SLC6A16: variants seen among roughly 807,000 people sequenced by gnomAD.
SLC6A16 encodes orphan sodium- and chloride-dependent neurotransmitter transporter NTT5.
In SLC6A16, 54 loss-of-function variants were observed where a neutral mutation model predicts 65.4. That is an observed-to-expected ratio of 0.83 (90% CI 0.66 to 1.04). The LOEUF is 1.04. Ranked by LOEUF, SLC6A16 falls within the 50% of genes least tolerant of loss-of-function variation. SLC6A16 has a pLI of 0.00. For missense variants in SLC6A16, 816 were observed against 914.0 expected (o/e 0.89, Z 1.38); for synonymous variants, 330 against 346.5 (o/e 0.95, Z 0.53).
upstream of SLC6A16, among the ~76,000 whole-genome samples, chr19:49,329,453 G>T (rs192423559): frequency 0.013 from 1,952 of 152,028 alleles, 24 homozygotes; most frequent in Non-Finnish European, 0.015. Context: ...AAAACTAATG[G>T]TGATTAGGTT....
rs1445655210 is a variant in SLC6A16, at chr19:49,294,602, A to G, written c.1230-49T>C. ...ATCGAACCATTTGGCCCAGTAGGAG[A>G]TAGTCTCCTTTTCCCTTATCTTCAA... On this transcript the variant is annotated intron_variant, in intron 7 of 11. Coordinates refer to ENST00000335875, the MANE Select transcript of SLC6A16 (RefSeq NM_014037.3). 2.7e-6 allele frequency: 4 copies of G among 1,469,630 alleles called. No homozygotes were observed. The South Asian group carries it at 4.0e-5, about 15-fold the overall frequency. The allele number at this position is 1,469,630 out of a possible 1,614,324, so 91.0% of individuals were successfully genotyped here.
intron 11 of SLC6A16, 79 bp from the exon 12 acceptor site, chr19:49,290,471 T>C (rs1970055073): frequency 6.4e-7 from 1 of 1,570,574 alleles, no homozygotes; most frequent in Admixed American, 1.8e-5. Context: ...GAAGGATGGG[T>C]GGGGAACCAA....
At chr19:49,340,324 G>A in the SLC6A16 span, 10 of 1,610,810 alleles carry the variant, frequency 6.2e-6, no homozygotes, top group Middle Eastern at 3.3e-4. Context: ...GCTCGATACC[G>A]TTAGGCCCCG....
the SLC6A16 span, among the ~76,000 whole-genome samples, chr19:49,334,209 C>T: frequency 5.1e-4 from 77 of 152,222 alleles, no homozygotes; most frequent in Non-Finnish European, 9.7e-4. Flanking sequence ...ACAGGCTGGG[C>T]ACAGTGGCTC....
At chr19:49,322,268 A>G (rs964606535) in intron 1 of SLC6A16, among the ~76,000 whole-genome samples, 1 of 152,242 alleles carries the variant, frequency 6.6e-6, no homozygotes, top group African/African-American at 2.4e-5. Flanking sequence ...GCATTTTTAT[A>G]CACTAACAAT....
At position 49,311,329 on chromosome 19, in the gene SLC6A16, G is replaced by C. The variant is rs967454228; in HGVS notation, c.19C>G (p.Pro7Ala). 5 of 1,588,928 alleles carry C rather than the reference G, an allele frequency of 3.1e-6. No homozygotes were observed. The highest frequency in any genetic ancestry group is 1.2e-5 in the South Asian group (1 of 86,180). The part of the protein sequence containing the change: MKTEAQ[P>A]STSLLANTSW... Reference sequence around the variant, plus strand: ...GTGTTTGCCAGCAAGGATGTCGAAGGCTGGGCCTCTGTCTTCATCTCACAC... The same window carrying C: ...GTGTTTGCCAGCAAGGATGTCGAAGCCTGGGCCTCTGTCTTCATCTCACAC... Residue 7 changes from proline (P) to alanine (A), a missense_variant, in exon 2 of 12, where the codon CCT becomes GCT. By Grantham distance (27) the Pro-to-Ala change is conservative. Transcript: ENST00000335875.
At chr19:49,314,106 A>AACCAT (rs56287628) in intron 1 of SLC6A16, among the ~76,000 whole-genome samples, 1 of 141,452 alleles carries the variant, frequency 7.1e-6, no homozygotes, top group Non-Finnish European at 1.5e-5. Context: ...AAAAAAAAAA[A>AACCAT]AATCATAATC....
intron 1 of SLC6A16, among the ~76,000 whole-genome samples, chr19:49,321,130 C>T (rs747217285): frequency 6.6e-6 from 1 of 152,018 alleles, no homozygotes; most frequent in Non-Finnish European, 1.5e-5. Context: ...ACTACCAAAC[C>T]TAATTCAGCA....
At position 49,300,716 on chromosome 19, in the gene SLC6A16, T is replaced by C. The variant is rs930013434; in HGVS notation, c.1230-6163A>G. 3.9e-4 allele frequency among the ~76,000 whole-genome samples: 60 copies of C among 152,154 alleles called. 1 individual carries two copies. The highest frequency in any genetic ancestry group is 3.9e-4 in the Admixed American group (6 of 15,278). ...GGCAGAGAAAGGGATCCAGCCTCCC[T>C]TTCTCTATAAAGAGCAACAATTTGG... On this transcript the variant is annotated intron_variant, in intron 7 of 11. Transcript: ENST00000335875.
At position 49,293,397 on chromosome 19, in the gene SLC6A16, A is replaced by C; in HGVS notation, c.1619-15T>G. The C allele has an allele frequency of 6.2e-7, 1 of 1,613,726 alleles. No homozygotes were observed. On this transcript the variant is annotated splice_polypyrimidine_tract_variant and intron_variant, in intron 9 of 11. Coordinates refer to ENST00000335875, the MANE Select transcript of SLC6A16 (RefSeq NM_014037.3). ...AAAGACTCCCACTGGAGAAAACATG[A>C]GATCTGGATCAAGGTTAGAAGTCAC...
At chr19:49,297,783 C>A (rs1334486985) in intron 7 of SLC6A16, among the ~76,000 whole-genome samples, 2 of 151,928 alleles carry the variant, frequency 1.3e-5, no homozygotes, top group Admixed American at 6.6e-5. Flanking sequence ...TCCAATACAT[C>A]CAGTATCATA....
At chr19:49,291,045 T>G (rs990597140) in intron 10 of SLC6A16, among the ~76,000 whole-genome samples, 1 of 152,146 alleles carries the variant, frequency 6.6e-6, no homozygotes, top group East Asian at 1.9e-4. Context: ...CCCATAAATA[T>G]GAGAATGTCT....
chr19:49,306,575 A>C (rs114993852), intron 7 of SLC6A16, among the ~76,000 whole-genome samples: 2,098 of 134,610 alleles, frequency 0.016, 58 homozygotes, highest in African/African-American at 0.056. Context: ...AGAGAGTCTC[A>C]CTCTGTTGCC....
intron 6 of SLC6A16, 82 bp downstream of exon 6, chr19:49,309,219 A>G (rs1056466612): frequency 6.3e-7 from 1 of 1,580,744 alleles, no homozygotes; most frequent in Admixed American, 1.7e-5. Context: ...ACAAAAGTAA[A>G]GAATGGGGAA....
chr19:49,295,746 T>C (rs994432775), intron 7 of SLC6A16, among the ~76,000 whole-genome samples: 3 of 152,128 alleles, frequency 2.0e-5, no homozygotes, highest in African/African-American at 7.2e-5. Context: ...TTTTATGACT[T>C]TTCAGATACA....
At chr19:49,299,027 C>G (rs889904344) in intron 7 of SLC6A16, among the ~76,000 whole-genome samples, 80 of 151,682 alleles carry the variant, frequency 5.3e-4, no homozygotes, top group Admixed American at 4.5e-3. Flanking sequence ...AGGCAGATCA[C>G]GAGGTCAGGA....
Position 49,294,231 on chromosome 19 carries a change from G to C in SLC6A16, c.1416+136C>G, listed in dbSNP as rs1289756677. The C allele has an allele frequency of 7.4e-6, 7 of 945,712 alleles. No individual in the cohort carries two copies. In the African/African-American group the frequency reaches 1.0e-4, roughly 13 times the overall value. The allele number at this position is 945,712 out of a possible 1,614,324, so 58.6% of individuals were successfully genotyped here. A position where few individuals can be genotyped will look rare whatever the true frequency, so the allele number is the denominator to read the frequency against. On this transcript the variant is annotated intron_variant, in intron 8 of 11. Transcript: ENST00000335875. ...ATGGAAGGCCATTCCGCAAAGTATA[G>C]TACTTTGTATTACTGAGAGCCACAG...
At chr19:49,328,785 C>T (rs116187787), upstream of SLC6A16, among the ~76,000 whole-genome samples, 3,335 of 152,260 alleles carry the variant, frequency 0.022, 123 homozygotes, top group African/African-American at 0.07. Flanking sequence ...AAAAGCATTG[C>T]TGTTTCTTAC....
Position 49,308,919 on chromosome 19 carries a change from G to A in SLC6A16, c.1186C>T (p.Leu396=). The change falls in exon 7 of 12, where the codon CTG becomes TTG. Residue 396 remains leucine (L), a synonymous_variant. Coordinates refer to ENST00000335875, the MANE Select transcript of SLC6A16 (RefSeq NM_014037.3). ...GTGATGACTGTCGCCCAGAAGCCCA[G>A]GACACAGAAGTTGAAAGATGTGAAA... ...LVFTSFNFCV[L]GFWATVITHR... 6.2e-7 allele frequency: 1 copy of A among 1,614,152 alleles called. No homozygotes were observed. Among genetic ancestry groups the A allele is most frequent in the Non-Finnish European group, 8.5e-7 (1 of 1,180,038 alleles).
Sources: allele counts gnomAD v4.1 joint callset (sites outside exome capture counted in the v4.1 genomes callset), GRCh38; gene constraint gnomAD v4.1.1; transcripts MANE v1.5; gene names NCBI Gene and HGNC (gene_info 2026-07-23, HGNC 2026-07-21).